Variants in PARP3 observed in about 807,000 individuals in gnomAD.
PARP3 encodes protein mono-ADP-ribosyltransferase PARP3.
In PARP3, 46 loss-of-function variants were observed where a neutral mutation model predicts 58.2. The observed-to-expected ratio is 0.79, with a 90% CI of 0.62 to 1.01. The LOEUF is 1.01. Among genes scored for constraint, PARP3 ranks in the 50% least tolerant of loss-of-function variants. The probability of loss-of-function intolerance (pLI) is 0.00; values close to 1 mark genes in which losing one functional copy is unlikely to be tolerated. For missense variants in PARP3, 663 were observed against 683.9 expected (o/e 0.97, Z 0.34); for synonymous variants, 252 against 266.4 (o/e 0.95, Z 0.53).
rs781147960 is a variant in PARP3 at position 51,942,720 on chromosome 3, A to G, written c.-3+12A>G. The stretch of plus-strand genomic sequence containing the variant: ...CCTGCTTTTCTTGGGTGAGTGTCCT[A>G]TGGTCCTGCCCACGGCAGGGCAGGG... On this transcript the variant is annotated intron_variant, in intron 1 of 10. Coordinates refer to ENST00000398755, the MANE Select transcript of PARP3 (RefSeq NM_001003931.4). 36 of 1,556,474 alleles carry G rather than the reference A, an allele frequency of 2.3e-5. No homozygotes were observed. In the East Asian group the frequency reaches 4.1e-4, roughly 18 times the overall value.
rs1385478884 is a variant in PARP3, at chr3:51,944,689, A to T, written c.502-89A>T. On this transcript the variant is annotated intron_variant, in intron 4 of 10. Coordinates refer to ENST00000398755, the MANE Select transcript of PARP3 (RefSeq NM_001003931.4). The surrounding 1 kb of genome is among the most constrained non-coding windows in gnomAD (Gnocchi z 4.2). ...CCCAGCTGCGCAGCCTCAGCCACAG[A>T]ACTCCCCTCTGGCCTCAGGCTGGCT... 6.4e-7 allele frequency: 1 copy of T among 1,571,726 alleles called. No individual in the cohort carries two copies. The highest frequency in any genetic ancestry group is 8.7e-7 in the Non-Finnish European group (1 of 1,155,194).
Position 51,944,868 on chromosome 3 carries a change from A to C in PARP3, c.592A>C (p.Ser198Arg). 1 of 1,613,994 alleles carries C rather than the reference A, an allele frequency of 6.2e-7. No homozygotes were observed. Among genetic ancestry groups the C allele is most frequent in the Non-Finnish European group, 8.5e-7 (1 of 1,180,022 alleles). Residue 198 changes from serine (S) to arginine (R), a missense_variant, in exon 5 of 11, where the codon AGC becomes CGC. Physicochemically the swap from Ser to Arg is moderately radical, Grantham distance 110. Around this residue, in one of 3 missense-constraint regions of PARP3, gnomAD observed 567 missense variants for 553.6 expected, o/e 1.02. Coordinates refer to ENST00000398755, the MANE Select transcript of PARP3 (RefSeq NM_001003931.4). This position sits in a 1 kb window ranked among gnomAD's most constrained non-coding sequence, Gnocchi z 4.2. ...GCAGAAGCTCATCACTAACATCTTC[A>C]GCAAGGAGATGTTCAAGAACACCAT... Reference protein sequence around the residue: ...ATQKLITNIFSKEMFKNTMAL... With the variant: ...ATQKLITNIFRKEMFKNTMAL...
intron 1 of PARP3, 158 bp downstream of exon 1, chr3:51,942,866 C>A (rs941950120): frequency 4.9e-6 from 7 of 1,436,720 alleles, no homozygotes; most frequent in African/African-American, 2.9e-5. Flanking sequence ...GTTCTAAGCT[C>A]CGGGAGGATA....
In PARP3 at chr3:51,946,344, G is replaced by A; in HGVS notation, c.1276+1G>A. Reference sequence around the variant, plus strand: ...GAGAACAGCAAGTCAGCTGGATATGGTGAGGTGCCCCTCTGGGCCAAGCCC... The same window carrying A: ...GAGAACAGCAAGTCAGCTGGATATGATGAGGTGCCCCTCTGGGCCAAGCCC... On this transcript the variant is annotated splice_donor_variant, in intron 9 of 10. Coordinates refer to ENST00000398755, the MANE Select transcript of PARP3 (RefSeq NM_001003931.4). LOFTEE classifies it high-confidence loss of function. The surrounding 1 kb of genome is among the most constrained non-coding windows in gnomAD (Gnocchi z 4.6). The A allele has an allele frequency of 6.2e-7, 1 of 1,601,032 alleles. No homozygotes were observed.
In PARP3 at chr3:51,946,406, C is replaced by A; in HGVS notation, c.1276+63C>A. ...GCACTAAGATGGATTGGGCCCAGTC[C>A]TTGGCCACTGGAAATTCATGGTGAA... On this transcript the variant is annotated intron_variant, in intron 9 of 10. Transcript: ENST00000398755. The surrounding 1 kb of genome is among the most constrained non-coding windows in gnomAD (Gnocchi z 4.6). 1 of 1,340,114 alleles carries A rather than the reference C, an allele frequency of 7.5e-7. No homozygotes were observed. The highest frequency in any genetic ancestry group is 2.4e-5 in the East Asian group (1 of 42,510). The allele number at this position is 1,340,114 out of a possible 1,614,324, so 83.0% of individuals were successfully genotyped here.
In PARP3 at chr3:51,944,425, A is replaced by G; in HGVS notation, c.348A>G (p.Thr116=). 1.9e-6 allele frequency: 3 copies of G among 1,613,992 alleles called. No homozygotes were observed. The highest frequency in any genetic ancestry group is 1.7e-6 in the Non-Finnish European group (2 of 1,180,034). The change falls in exon 4 of 11, where the codon ACA becomes ACG. Residue 116 remains threonine (T), a synonymous_variant. Transcript: ENST00000398755. The surrounding 1 kb of genome is among the most constrained non-coding windows in gnomAD (Gnocchi z 4.2). ...GCCAGTCAAAGATCAACCACTTCAC[A>G]AGGCTAGAAGATGCAAAGAAGGACT... ...EVGQSKINHF[T]RLEDAKKDFE...
At position 51,942,542 on chromosome 3, in the gene PARP3, AT is replaced by A. The variant is rs1421350482; in HGVS notation, c.-168del. ...CTGGTGGCCAAATAGCCGATGTCTA[AT>A]CCCCCACACAAGCTCATCCCCGGCC... On this transcript the variant is annotated 5_prime_UTR_variant, in exon 1 of 11. The change creates a premature stop within an existing upstream ORF in the 5' untranslated region. Coordinates refer to ENST00000398755, the MANE Select transcript of PARP3 (RefSeq NM_001003931.4). 7.0e-6 allele frequency: 5 copies of A among 715,160 alleles called. No homozygotes were observed. The highest frequency in any genetic ancestry group is 7.8e-6 in the Non-Finnish European group (3 of 385,818). The allele number at this position is 715,160 out of a possible 1,614,324, so 44.3% of individuals were successfully genotyped here.
chr3:51,946,847 C>G lies in PARP3; in HGVS notation c.1276+504C>G, dbSNP rs1559748681. On this transcript the variant is annotated intron_variant, in intron 9 of 10. Transcript: ENST00000398755. This position sits in a 1 kb window ranked among gnomAD's most constrained non-coding sequence, Gnocchi z 4.6. ...TGTGGCAGGTCAGGGCTTCCAAACA[C>G]TTCCTGATACTGGAGCTCAGAGCAA... 6.6e-6 allele frequency among the ~76,000 whole-genome samples: 1 copy of G among 152,234 alleles called. No homozygotes were observed. The highest frequency in any genetic ancestry group is 1.5e-5 in the Non-Finnish European group (1 of 68,040).
intron 7 of PARP3, 51 bp downstream of exon 7, chr3:51,945,695 T>A: frequency 2.5e-6 from 4 of 1,596,436 alleles, no homozygotes; most frequent in Non-Finnish European, 3.4e-6. Flanking sequence ...ACTGTCCCTC[T>A]GCCCACCTGC....
At position 51,944,824 on chromosome 3, in the gene PARP3, G is replaced by C; in HGVS notation, c.548G>C (p.Cys183Ser). Residue 183 changes from cysteine to serine, a missense_variant, in exon 5 of 11, where the codon TGC becomes TCC. Physicochemically the swap from Cys to Ser is moderately radical, Grantham distance 112. Coordinates refer to ENST00000398755, the MANE Select transcript of PARP3 (RefSeq NM_001003931.4). This position sits in a 1 kb window ranked among gnomAD's most constrained non-coding sequence, Gnocchi z 4.2. ...ACTGTGACTAAGCGGGTGCAGCCCTGCTCCCTGGACCCAGCCACGCAGAAG... is the reference window on the plus strand; with the variant it reads ...ACTGTGACTAAGCGGGTGCAGCCCTCCTCCCTGGACCCAGCCACGCAGAAG... ...VRTVTKRVQP[C>S]SLDPATQKLI... The C allele has an allele frequency of 2.5e-6, 4 of 1,613,782 alleles. No individual in the cohort carries two copies. The highest frequency in any genetic ancestry group is 2.5e-6 in the Non-Finnish European group (3 of 1,179,960).
chr3:51,945,279 G>A, intron 6 of PARP3, 55 bp downstream of exon 6: 7 of 1,559,488 alleles, frequency 4.5e-6, no homozygotes. Context: ...GACAGCCTAG[G>A]CGAGCGAGAT....
intron 6 of PARP3, 113 bp downstream of exon 6, chr3:51,945,337 G>C: frequency 1.5e-6 from 2 of 1,379,152 alleles, no homozygotes; most frequent in Non-Finnish European, 2.0e-6. Flanking sequence ...TGCCTGGGCA[G>C]GCTGACAGAC....
chr3:51,943,599 G>A, intron 2 of PARP3, 61 bp downstream of exon 2: 2 of 1,475,212 alleles, frequency 1.4e-6, no homozygotes, highest in South Asian at 1.2e-5. Flanking sequence ...AACACACCCA[G>A]GCCACCCCCT....
intron 10 of PARP3, 71 bp downstream of exon 10, chr3:51,947,966 G>T: frequency 6.7e-7 from 1 of 1,484,936 alleles, no homozygotes. Flanking sequence ...CATTTTCAGG[G>T]AGGGGGCTGT....
chr3:51,948,303 C>A lies in PARP3; in HGVS notation c.1433-8C>A. The A allele has an allele frequency of 6.2e-7, 1 of 1,611,736 alleles. No individual in the cohort carries two copies. The highest frequency in any genetic ancestry group is 8.5e-7 in the Non-Finnish European group (1 of 1,178,738). On this transcript the variant is annotated splice_polypyrimidine_tract_variant and splice_region_variant and intron_variant, in intron 10 of 10. Coordinates refer to ENST00000398755, the MANE Select transcript of PARP3 (RefSeq NM_001003931.4). Reference sequence around the variant, plus strand: ...CTGGGCCACCCTGGCCCTTGCTGTGCCCTGCAGATCCGACCCAGGACACTG... The same window carrying A: ...CTGGGCCACCCTGGCCCTTGCTGTGACCTGCAGATCCGACCCAGGACACTG...
rs1268545034 is a variant in PARP3, at chr3:51,942,696, C to T, written c.-15C>T. The T allele has an allele frequency of 1.3e-6, 2 of 1,558,594 alleles. No individual in the cohort carries two copies. Among genetic ancestry groups the T allele is most frequent in the Admixed American group, 3.8e-5 (2 of 52,716 alleles). On this transcript the variant is annotated 5_prime_UTR_variant, in exon 1 of 11. Coordinates refer to ENST00000398755, the MANE Select transcript of PARP3 (RefSeq NM_001003931.4). ...GGCAGCCAGGACCTCTCCCATGTCC[C>T]TGCTTTTCTTGGGTGAGTGTCCTAT...
chr3:51,945,457 CAAGTG>C (rs1699653579), intron 6 of PARP3, 33 bp from the exon 7 acceptor site: 2 of 1,603,820 alleles, frequency 1.2e-6, no homozygotes, highest in Non-Finnish European at 1.7e-6. Context: ...GGCCAGAGGT[CAAGTG>C]GGAAGACAAA....
chr3:51,948,214 C>A (rs536302047), intron 10 of PARP3, 97 bp from the exon 11 acceptor site: 64 of 1,256,576 alleles, frequency 5.1e-5, no homozygotes, highest in Admixed American at 3.3e-4. Flanking sequence ...GCAGGCGTGC[C>A]CTGTGACAGA....
chr3:51,947,651 A>G (rs1019136166), intron 9 of PARP3, 89 bp from the exon 10 acceptor site: 50 of 1,423,912 alleles, frequency 3.5e-5, no homozygotes, highest in Admixed American at 1.3e-4. Flanking sequence ...CAGCAAAGCC[A>G]GAAGGAATAA....
Sources: gnomAD v4.1 joint callset for allele counts (sites outside exome capture counted in the v4.1 genomes callset) on GRCh38, gnomAD v4.1.1 for gene constraint, gnomAD v4.1.1 regional missense constraint, Gnocchi (gnomAD v3.1) non-coding constraint, MANE v1.5 for transcripts, NCBI Gene and HGNC (gene_info 2026-07-23, HGNC 2026-07-21) for gene names.